The following PPP2R5C variants were observed in gnomAD, a reference collection of about 807,000 sequenced individuals.
PPP2R5C encodes the protein protein phosphatase 2 regulatory subunit B'gamma, also known as serine/threonine-protein phosphatase 2A 56 kDa regulatory subunit gamma isoform.
Under a neutral mutation model 68.9 loss-of-function variants are expected in PPP2R5C, and 7 were observed. The observed-to-expected ratio is 0.10, with a 90% CI of 0.06 to 0.19. The LOEUF (loss-of-function observed/expected upper bound fraction) is 0.19. Ranked by LOEUF, PPP2R5C falls within the 10% of genes least tolerant of loss-of-function variation. PPP2R5C has a pLI of 1.00. For synonymous variants in PPP2R5C, 210 were observed against 222.2 expected (o/e 0.95, Z 0.49); for missense variants, 348 against 641.3 (o/e 0.54, Z 4.94).
intron 2 of PPP2R5C, among the ~76,000 whole-genome samples, chr14:101,866,086 G>C (rs1282698307): frequency 6.6e-6 from 1 of 152,104 alleles, no homozygotes; most frequent in Non-Finnish European, 1.5e-5. Flanking sequence ...ATAGAGACAG[G>C]GTTTCACCAT....
chr14:101,761,864 C>T, upstream of PPP2R5C: 1 of 920,486 alleles, frequency 1.1e-6, no homozygotes. Flanking sequence ...GCGGCAGGGG[C>T]GGCGGCGGCG....
chr14:101,799,212 C>T (rs747907140), intron 3 of PPP2R5C, among the ~76,000 whole-genome samples: 1 of 152,126 alleles, frequency 6.6e-6, no homozygotes, highest in African/African-American at 2.4e-5. Flanking sequence ...CTGCTGCATC[C>T]CCACGCCGCA....
Position 101,856,895 on chromosome 14 carries a change from T to G in PPP2R5C, c.294+10T>G. ...AGAAGTAGTCCATATGGTAAGTGAT[T>G]ACAGTTTAACCAGTGTGTCCCAGTT... is the stretch of plus-strand genomic sequence containing the variant. On this transcript the variant is annotated intron_variant, in intron 2 of 13. Coordinates refer to ENST00000334743, the Ensembl canonical transcript of PPP2R5C. The G allele has an allele frequency of 6.2e-7, 1 of 1,610,900 alleles. No homozygotes were observed. The highest frequency in any genetic ancestry group is 8.5e-7 in the Non-Finnish European group (1 of 1,177,404).
chr14:101,774,081 T>G (rs2037292234), intron 2 of PPP2R5C, among the ~76,000 whole-genome samples: 1 of 152,176 alleles, frequency 6.6e-6, no homozygotes. Flanking sequence ...AGCTGCTATG[T>G]GGGAACGAGG....
At chr14:101,826,265 AAT>A (rs1308106611) in intron 1 of PPP2R5C, among the ~76,000 whole-genome samples, 1 of 152,180 alleles carries the variant, frequency 6.6e-6, no homozygotes, top group Non-Finnish European at 1.5e-5. Context: ...AGAGTTTTTT[AAT>A]ATGAATTCTC....
At position 101,825,615 on chromosome 14, in the gene PPP2R5C, T is replaced by C. The variant is rs2040354623; in HGVS notation, c.94+15579T>C. Among the ~76,000 whole-genome samples, 1 of 152,208 alleles carries C rather than the reference T, an allele frequency of 6.6e-6. No individual in the cohort carries two copies. The highest frequency in any genetic ancestry group is 2.1e-4 in the South Asian group (1 of 4,832). On this transcript the variant is annotated intron_variant, in intron 1 of 13. Coordinates refer to ENST00000334743, the Ensembl canonical transcript of PPP2R5C. This position sits in a 1 kb window ranked among gnomAD's most constrained non-coding sequence, Gnocchi z 4.0. The stretch of plus-strand genomic sequence containing the variant: ...CCAGGGTGTCACTCCAATTCCATCA[T>C]TCAGGTTTCACTGAACTTTCATGTT...
intron 2 of PPP2R5C, among the ~76,000 whole-genome samples, chr14:101,866,527 G>A (rs1239801420): frequency 6.6e-6 from 1 of 152,068 alleles, no homozygotes; most frequent in Non-Finnish European, 1.5e-5. Flanking sequence ...AAAATTAGCT[G>A]GGCATGGTGT....
At chr14:101,819,189 T>C in intron 1 of PPP2R5C, 1 of 1,030,380 alleles carries the variant, frequency 9.7e-7, no homozygotes. Context: ...TTCCCAGCTT[T>C]ATGTAATTGG....
At chr14:101,794,747 A>G (rs2038530798) in intron 3 of PPP2R5C, among the ~76,000 whole-genome samples, 1 of 152,180 alleles carries the variant, frequency 6.6e-6, no homozygotes, top group Admixed American at 6.5e-5. Context: ...CGCTCTTGTA[A>G]ATAGAGTCTT....
intron 3 of PPP2R5C, 184 bp from the exon 6 acceptor site, chr14:101,883,073 A>G (rs2044259990): frequency 1.6e-5 from 9 of 561,600 alleles, no homozygotes; most frequent in South Asian, 1.6e-4. Flanking sequence ...GGTTTCACCA[A>G]ATAAAATAAT....
chr14:101,800,406 T>A (rs8020648), intron 3 of PPP2R5C, among the ~76,000 whole-genome samples: 20,932 of 151,604 alleles, frequency 0.14, 1,601 homozygotes, highest in Admixed American at 0.19. Context: ...TACTAAAAGT[T>A]CAAAAAATTA....
At chr14:101,841,901 A>G (rs904027769) in intron 1 of PPP2R5C, among the ~76,000 whole-genome samples, 5 of 152,118 alleles carry the variant, frequency 3.3e-5, no homozygotes, top group Non-Finnish European at 7.4e-5. Context: ...CCTCCTTCAG[A>G]GACCACTGAG....
chr14:101,925,531 C>G, exon 14 of PPP2R5C: 1 of 378,078 alleles, frequency 2.6e-6, no homozygotes, highest in East Asian at 4.9e-5. Flanking sequence ...CCAAGTCAGA[C>G]TATTTCACAA....
chr14:101,860,317 C>T (rs80319248), intron 2 of PPP2R5C, among the ~76,000 whole-genome samples: 3,868 of 152,206 alleles, frequency 0.025, 62 homozygotes, highest in Non-Finnish European at 0.039. Context: ...CTTTGGTGTC[C>T]GCCTTCCTTC....
rs1286413910 is a variant in PPP2R5C at position 101,913,438 on chromosome 14, G to A, written c.1326+965G>A. On this transcript the variant is annotated intron_variant, in intron 12 of 13. Coordinates refer to ENST00000334743, the Ensembl canonical transcript of PPP2R5C. The surrounding 1 kb of genome is among the most constrained non-coding windows in gnomAD (Gnocchi z 4.1). ...AACAACATACTGGTTTGTATACTCT[G>A]ATAAAACTGCAATCAGGAAACTCAA... Among the ~76,000 whole-genome samples, 4 of 152,166 alleles carry A rather than the reference G, an allele frequency of 2.6e-5. No individual in the cohort carries two copies. Among genetic ancestry groups the A allele is most frequent in the Non-Finnish European group, 4.4e-5 (3 of 68,030 alleles).
At chr14:101,768,825 C>CTTT in intron 2 of PPP2R5C, among the ~76,000 whole-genome samples, 1 of 139,160 alleles carries the variant, frequency 7.2e-6, no homozygotes, top group Non-Finnish European at 1.6e-5. Flanking sequence ...ATCCTTTCAT[C>CTTT]TTTTTTTTTT....
At chr14:101,813,694 G>A (rs2039499385) in intron 1 of PPP2R5C, among the ~76,000 whole-genome samples, 1 of 152,192 alleles carries the variant, frequency 6.6e-6, no homozygotes, top group Non-Finnish European at 1.5e-5. Flanking sequence ...CCTTATTCTG[G>A]GCTTCAAGAA....
At chr14:101,866,983 G>A (rs1390279366) in intron 2 of PPP2R5C, among the ~76,000 whole-genome samples, 2 of 152,174 alleles carry the variant, frequency 1.3e-5, no homozygotes, top group Admixed American at 6.6e-5. Flanking sequence ...TTGGGAGGCT[G>A]AAGCGGACAG....
Position 101,797,212 on chromosome 14 carries a change from TC to T in PPP2R5C, c.259+11035del, listed in dbSNP as rs986852645. 10 of 455,792 alleles carry T rather than the reference TC, an allele frequency of 2.2e-5. 1 individual carries two copies. The highest frequency in any genetic ancestry group is 7.1e-5 in the Admixed American group (3 of 42,548). The allele number at this position is 455,792 out of a possible 1,614,324, so 28.2% of individuals were successfully genotyped here. Reference sequence around the variant, plus strand: ...TTCCCTAAACATAATATCTTCCAGGTCCCCCCACATTGTAGCACGTGCCAGA... The same window carrying T: ...TTCCCTAAACATAATATCTTCCAGGTCCCCCACATTGTAGCACGTGCCAGA... On this transcript the variant is annotated intron_variant, in intron 3 of 14. Transcript: ENST00000328724. This position sits in a 1 kb window ranked among gnomAD's most constrained non-coding sequence, Gnocchi z 4.2.
Sources: allele counts gnomAD v4.1 joint callset (sites outside exome capture counted in the v4.1 genomes callset), GRCh38; gene constraint gnomAD v4.1.1; non-coding constraint Gnocchi (gnomAD v3.1); transcripts MANE v1.5; gene names NCBI Gene and HGNC (gene_info 2026-07-23, HGNC 2026-07-21).